Variants in CACNA1E observed in about 807,000 individuals in gnomAD.
CACNA1E encodes voltage-dependent R-type calcium channel subunit alpha-1E.
Under a neutral mutation model 259.2 loss-of-function variants are expected in CACNA1E, and 40 were observed. The ratio of observed to expected loss-of-function variants is 0.15; its 90% CI spans 0.12 to 0.20. The LOEUF is 0.20. Ranked by LOEUF, CACNA1E falls within the 10% of genes least tolerant of loss-of-function variation. The pLI, the probability that CACNA1E is intolerant of heterozygous loss-of-function variation, is 1.00. For missense variants in CACNA1E, 1,874 were observed against 3,040.1 expected (o/e 0.62, Z 9.02); for synonymous variants, 1,104 against 1,138.5 (o/e 0.97, Z 0.61).
At chr1:181,558,889 A>G (rs1014531062) in intron 3 of CACNA1E, among the ~76,000 whole-genome samples, 2 of 152,106 alleles carry the variant, frequency 1.3e-5, no homozygotes, top group African/African-American at 2.4e-5. Context: ...GAGAAATGAA[A>G]CTGTTAATAG....
intron 3 of CACNA1E, among the ~76,000 whole-genome samples, chr1:181,548,642 C>A (rs1310328965): frequency 6.6e-6 from 1 of 152,178 alleles, no homozygotes; most frequent in Non-Finnish European, 1.5e-5. Context: ...CAGTAGCTTA[C>A]CCTCATGTGG....
intron 1 of CACNA1E, among the ~76,000 whole-genome samples, chr1:181,494,794 C>A (rs920290155): frequency 1.3e-5 from 2 of 152,090 alleles, no homozygotes; most frequent in Non-Finnish European, 2.9e-5. Flanking sequence ...ATGTCATCTG[C>A]AGATTTATAA....
intron 6 of CACNA1E, among the ~76,000 whole-genome samples, chr1:181,606,775 C>T (rs968884096): frequency 2.0e-5 from 3 of 152,202 alleles, no homozygotes; most frequent in Non-Finnish European, 2.9e-5. Context: ...GCCCCCAACC[C>T]GACTCCATCA....
chr1:181,709,473 A>G (rs1653119444), intron 7 of CACNA1E, among the ~76,000 whole-genome samples: 1 of 152,156 alleles, frequency 6.6e-6, no homozygotes, highest in Non-Finnish European at 1.5e-5. Context: ...TGTGACACGA[A>G]CAGGTGTCTG....
At chr1:181,746,540 G>A (rs1477838859) in intron 25 of CACNA1E, among the ~76,000 whole-genome samples, 2 of 152,204 alleles carry the variant, frequency 1.3e-5, no homozygotes, top group Non-Finnish European at 2.9e-5. Context: ...TAAGCTAAGA[G>A]CAGTGGCTTG....
chr1:181,389,240 G>A (rs4082255), intron 1 of CACNA1E, among the ~76,000 whole-genome samples: 57,156 of 151,892 alleles, frequency 0.38, 11,009 homozygotes, highest in Admixed American at 0.45. Flanking sequence ...CTATGTTTGG[G>A]GCCATTTTAG....
At chr1:181,749,207 GA>G (rs1386648345) in intron 25 of CACNA1E, among the ~76,000 whole-genome samples, 2 of 152,070 alleles carry the variant, frequency 1.3e-5, no homozygotes, top group African/African-American at 4.8e-5. Flanking sequence ...AGAAAGGAAA[GA>G]AAAAAAGTAA....
intron 1 of CACNA1E, among the ~76,000 whole-genome samples, chr1:181,343,638 A>C (rs1307663475): frequency 6.6e-6 from 1 of 152,190 alleles, no homozygotes; most frequent in African/African-American, 2.4e-5. Context: ...AGCAATGCAA[A>C]AAATGGACTA....
intron 6 of CACNA1E, among the ~76,000 whole-genome samples, chr1:181,603,526 A>C (rs1220983000): frequency 1.3e-5 from 2 of 152,170 alleles, no homozygotes; most frequent in Non-Finnish European, 2.9e-5. Context: ...CACTGTAATT[A>C]GTATTTCCAA....
intron 45 of CACNA1E, 97 bp from the exon 46 acceptor site, chr1:181,794,767 G>C (rs1661639565): frequency 9.6e-7 from 1 of 1,043,234 alleles, no homozygotes; most frequent in African/African-American, 1.6e-5. Context: ...GTTACAATTT[G>C]CCTTCCTTAA....
intron 1 of CACNA1E, among the ~76,000 whole-genome samples, chr1:181,355,283 G>C (rs1653337496): frequency 6.6e-6 from 1 of 152,126 alleles, no homozygotes; most frequent in Non-Finnish European, 1.5e-5. Context: ...TGGCAATAAG[G>C]GTTGCATTAG....
chr1:181,798,243 G>A lies in CACNA1E; in HGVS notation c.6400-49G>A. 6.9e-7 allele frequency: 1 copy of A among 1,457,120 alleles called. No individual in the cohort carries two copies. Among genetic ancestry groups the A allele is most frequent in the South Asian group, 1.3e-5 (1 of 78,734 alleles). 90.3% of individuals were successfully genotyped at this position (1,457,120 alleles called of 1,614,324 possible). On this transcript the variant is annotated intron_variant, in intron 47 of 47. Coordinates refer to ENST00000367573, the MANE Select transcript of CACNA1E (RefSeq NM_001205293.3). This position sits in a 1 kb window ranked among gnomAD's most constrained non-coding sequence, Gnocchi z 4.2. Reference sequence around the variant, plus strand: ...ACTCTCTTAACAGAGTTGCAAGTAGGGATCATGCCAAGCCCAATCTAACAT... The same window carrying A: ...ACTCTCTTAACAGAGTTGCAAGTAGAGATCATGCCAAGCCCAATCTAACAT...
intron 7 of CACNA1E, among the ~76,000 whole-genome samples, chr1:181,658,535 C>T (rs1162170082): frequency 6.6e-6 from 1 of 152,200 alleles, no homozygotes; most frequent in African/African-American, 2.4e-5. Context: ...TTATTAGCTG[C>T]CTATATCCTT....
chr1:181,353,011 G>A (rs1653156604), intron 1 of CACNA1E, among the ~76,000 whole-genome samples: 1 of 152,146 alleles, frequency 6.6e-6, no homozygotes, highest in African/African-American at 2.4e-5. Flanking sequence ...TGGCCTCTGT[G>A]GGCTTCAGTC....
At chr1:181,410,232 G>A (rs1360264809) in intron 1 of CACNA1E, among the ~76,000 whole-genome samples, 2 of 152,232 alleles carry the variant, frequency 1.3e-5, no homozygotes, top group South Asian at 2.1e-4. Context: ...ATGACAACGT[G>A]AGGAACGTGA....
At chr1:181,347,106 C>T (rs886697976) in intron 1 of CACNA1E, among the ~76,000 whole-genome samples, 6 of 152,304 alleles carry the variant, frequency 3.9e-5, no homozygotes, top group Non-Finnish European at 7.4e-5. Context: ...TCACTCACCA[C>T]GCTTCCTGCA....
chr1:181,712,295 C>T (rs1572673339), intron 8 of CACNA1E, among the ~76,000 whole-genome samples: 1 of 152,236 alleles, frequency 6.6e-6, no homozygotes, highest in South Asian at 2.1e-4. Flanking sequence ...TCATTTTCTT[C>T]CAGAGGAACA....
intron 6 of CACNA1E, among the ~76,000 whole-genome samples, chr1:181,637,346 G>GA (rs1031350016): frequency 1.3e-4 from 19 of 151,666 alleles, no homozygotes; most frequent in East Asian, 1.9e-4. Flanking sequence ...TTAGTGGTGG[G>GA]AAAAAAAACA....
At chr1:181,351,212 C>T (rs1466225328) in intron 1 of CACNA1E, among the ~76,000 whole-genome samples, 2 of 152,264 alleles carry the variant, frequency 1.3e-5, no homozygotes, top group Non-Finnish European at 2.9e-5. Context: ...TACTCCTGAG[C>T]CGTGGGGGGA....
Sources: allele counts gnomAD v4.1 joint callset (sites outside exome capture counted in the v4.1 genomes callset), GRCh38; gene constraint gnomAD v4.1.1; non-coding constraint Gnocchi (gnomAD v3.1); transcripts MANE v1.5; gene names NCBI Gene and HGNC (gene_info 2026-07-23, HGNC 2026-07-21).